The following RAB20 variants were observed in gnomAD, a reference collection of about 807,000 sequenced individuals.
RAB20 encodes the protein ras-related protein Rab-20.
A neutral mutation model predicts 3.7 loss-of-function variants in RAB20; 2 were observed. The observed-to-expected ratio is 0.54, with a 90% CI of 0.22 to 1.69. The LOEUF (loss-of-function observed/expected upper bound fraction) is 1.69, where lower values mean the gene tolerates loss of function less well. Ranked by LOEUF, RAB20 falls within the 40% of genes most tolerant of loss-of-function variation. The pLI is 0.19. For missense variants in RAB20, 276 were observed against 311.9 expected, an observed-to-expected ratio of 0.88 and a Z score of 0.87; for synonymous variants, 126 against 130.8, an observed-to-expected ratio of 0.96 and a Z score of 0.25.
At chr13:110,554,639 A>G (rs1306681395) in intron 1 of RAB20, among the ~76,000 whole-genome samples, 2 of 152,236 alleles carry the variant, frequency 1.3e-5, no homozygotes, top group Admixed American at 6.5e-5. Context: ...CAGAAACTCC[A>G]GCATCCTCTC....
At chr13:110,538,323 A>C (rs1884686472) in intron 1 of RAB20, among the ~76,000 whole-genome samples, 3 of 151,746 alleles carry the variant, frequency 2.0e-5, no homozygotes, top group Admixed American at 2.0e-4. Flanking sequence ...TAAAAGAAAT[A>C]GGCCAGGCAC....
In RAB20 at chr13:110,538,289, A is replaced by G. The variant is rs192324597; in HGVS notation, c.173-14092T>C. On this transcript the variant is annotated intron_variant, in intron 1 of 1. Transcript: ENST00000267328. ...AGAAAGAAAAGAAAAGAAAAAGAAA[A>G]AAGACTATTGGTATTTCCTAATCTA... Among the ~76,000 whole-genome samples the G allele has an allele frequency of 9.2e-3, 1,394 of 151,472 alleles. 12 individuals carry two copies. The highest frequency in any genetic ancestry group is 0.012 in the Non-Finnish European group (844 of 67,862).
rs1884366449 is a variant in RAB20, at chr13:110,523,412, G to T, written c.*253C>A. The T allele has an allele frequency of 1.4e-6, 1 of 704,908 alleles. No individual in the cohort carries two copies. Among genetic ancestry groups the T allele is most frequent in the East Asian group, 2.8e-5 (1 of 36,086 alleles). The allele number at this position is 704,908 out of a possible 1,614,324, so 43.7% of individuals were successfully genotyped here. A position where few individuals can be genotyped will look rare whatever the true frequency, so the allele number is the denominator to read the frequency against. On this transcript the variant is annotated 3_prime_UTR_variant, in exon 2 of 2. Transcript: ENST00000267328. ...AGGCAGCGGGGCAGAGAGCACCAGG[G>T]GTCTCGACTCTGCAGATTGGGCTTT...
At chr13:110,535,842 T>C (rs1235617798) in intron 1 of RAB20, among the ~76,000 whole-genome samples, 1 of 152,232 alleles carries the variant, frequency 6.6e-6, no homozygotes, top group Non-Finnish European at 1.5e-5. Flanking sequence ...ATTTCTCTCC[T>C]TGAAGGTGAA....
At chr13:110,526,495 T>C (rs952377964) in intron 1 of RAB20, among the ~76,000 whole-genome samples, 4 of 152,224 alleles carry the variant, frequency 2.6e-5, no homozygotes, top group South Asian at 2.1e-4. Context: ...AAATTATAAA[T>C]GGTCCCATGT....
intron 1 of RAB20, among the ~76,000 whole-genome samples, chr13:110,534,953 C>T (rs1208580426): frequency 6.6e-6 from 1 of 152,102 alleles, no homozygotes; most frequent in Non-Finnish European, 1.5e-5. Flanking sequence ...CCCACCTCAG[C>T]CTCCCAAGCA....
intron 1 of RAB20, among the ~76,000 whole-genome samples, chr13:110,546,998 C>T (rs1884863380): frequency 6.6e-6 from 1 of 152,170 alleles, no homozygotes; most frequent in Non-Finnish European, 1.5e-5. Context: ...TCTGAGTCTC[C>T]CGAAGTGCTG....
At chr13:110,524,834 T>C (rs1001539436) in intron 1 of RAB20, among the ~76,000 whole-genome samples, 6 of 152,038 alleles carry the variant, frequency 3.9e-5, no homozygotes, top group African/African-American at 9.7e-5. Flanking sequence ...ACATCTCCCC[T>C]CCCACGCTGG....
chr13:110,546,424 T>C (rs1426384604), intron 1 of RAB20, among the ~76,000 whole-genome samples: 1 of 152,186 alleles, frequency 6.6e-6, no homozygotes, highest in Non-Finnish European at 1.5e-5. Flanking sequence ...TAAATTCACC[T>C]ATTTGGGCAA....
intron 1 of RAB20, among the ~76,000 whole-genome samples, chr13:110,550,378 A>G (rs1457583239): frequency 6.6e-6 from 1 of 152,238 alleles, no homozygotes; most frequent in Non-Finnish European, 1.5e-5. Flanking sequence ...GAACCCAAAG[A>G]GGGGGTCGTG....
At chr13:110,558,252 C>G in intron 1 of RAB20, among the ~76,000 whole-genome samples, 1 of 152,206 alleles carries the variant, frequency 6.6e-6, no homozygotes, top group East Asian at 1.9e-4. Context: ...AACCACTCCA[C>G]ATCTGTGTGC....
At chr13:110,531,433 G>T (rs548167152) in intron 1 of RAB20, among the ~76,000 whole-genome samples, 5 of 152,232 alleles carry the variant, frequency 3.3e-5, no homozygotes, top group African/African-American at 9.6e-5. Flanking sequence ...ACTGCAGAGC[G>T]TTCTGGTAAA....
intron 1 of RAB20, among the ~76,000 whole-genome samples, chr13:110,545,901 C>T (rs976902774): frequency 6.6e-6 from 1 of 152,136 alleles, no homozygotes; most frequent in Non-Finnish European, 1.5e-5. Flanking sequence ...GCTGCATTTA[C>T]TTCTGAGCTC....
chr13:110,544,177 C>T (rs1884814540), intron 1 of RAB20, among the ~76,000 whole-genome samples: 1 of 152,186 alleles, frequency 6.6e-6, no homozygotes, highest in Non-Finnish European at 1.5e-5. Context: ...AGGTTCTTGG[C>T]ATCTTTGTCA....
At chr13:110,560,344 A>G (rs1885108610) in intron 1 of RAB20, among the ~76,000 whole-genome samples, 1 of 152,218 alleles carries the variant, frequency 6.6e-6, no homozygotes, top group Non-Finnish European at 1.5e-5. Flanking sequence ...AACTGGAAGT[A>G]CCTCTGTGAG....
chr13:110,551,976 G>A (rs1360450345), intron 1 of RAB20, among the ~76,000 whole-genome samples: 1 of 151,528 alleles, frequency 6.6e-6, no homozygotes, highest in South Asian at 2.1e-4. Flanking sequence ...AGTCCCAGCT[G>A]AGAGGTGGGA....
chr13:110,553,531 T>C (rs1239545655), intron 1 of RAB20, among the ~76,000 whole-genome samples: 1 of 152,340 alleles, frequency 6.6e-6, no homozygotes, highest in Non-Finnish European at 1.5e-5. Flanking sequence ...TGGTCTCTGT[T>C]GCAATGACTC....
intron 1 of RAB20, among the ~76,000 whole-genome samples, chr13:110,544,228 A>T (rs1225309925): frequency 3.3e-5 from 5 of 151,968 alleles, no homozygotes; most frequent in Non-Finnish European, 5.9e-5. Flanking sequence ...GTTTCTGGGC[A>T]CTCTACCCTG....
In RAB20 at chr13:110,553,791, T is replaced by C. The variant is rs535863158; in HGVS notation, c.172+7557A>G. On this transcript the variant is annotated intron_variant, in intron 1 of 1. Coordinates refer to ENST00000267328, the MANE Select transcript of RAB20 (RefSeq NM_017817.3). ...AAGCCTCTCCCGACTGAGGCTAAAA[T>C]AGAAACTAATGTAATAGGAAAGCCA... Among the ~76,000 whole-genome samples the C allele has an allele frequency of 4.6e-5, 7 of 152,234 alleles. No homozygotes were observed. In the South Asian group the frequency reaches 1.0e-3, roughly 23 times the overall value.
Sources: allele counts gnomAD v4.1 joint callset (sites outside exome capture counted in the v4.1 genomes callset), GRCh38; gene constraint gnomAD v4.1.1; transcripts MANE v1.5; gene names NCBI Gene and HGNC (gene_info 2026-07-23, HGNC 2026-07-21).